The following TTC17 variants were observed in gnomAD, a reference collection of about 807,000 sequenced individuals.
TTC17 encodes tetratricopeptide repeat protein 17.
A neutral mutation model predicts 143.8 loss-of-function variants in TTC17; 58 were observed. That is an observed-to-expected ratio of 0.40 (90% CI 0.33 to 0.50). The LOEUF (loss-of-function observed/expected upper bound fraction) is 0.50, where lower values mean the gene tolerates loss of function less well. Among genes scored for constraint, TTC17 ranks in the 20% least tolerant of loss-of-function variants. The pLI, the probability that TTC17 is intolerant of heterozygous loss-of-function variation, is 0.49. For missense variants in TTC17, 1,273 were observed against 1,392.5 expected (o/e 0.91, Z 1.37); for synonymous variants, 501 against 497.8 (o/e 1.01, Z -0.09).
In TTC17 at chr11:43,403,983, T is replaced by G. The variant is rs1327796260; in HGVS notation, c.1333-15T>G. 1.3e-6 allele frequency: 2 copies of G among 1,573,732 alleles called. No homozygotes were observed. Among genetic ancestry groups the G allele is most frequent in the Non-Finnish European group, 1.7e-6 (2 of 1,159,566 alleles). On this transcript the variant is annotated splice_polypyrimidine_tract_variant and intron_variant, in intron 10 of 23. Coordinates refer to ENST00000039989, the MANE Select transcript of TTC17 (RefSeq NM_018259.6). The stretch of plus-strand genomic sequence containing the variant: ...CCACTTTCAATTTGATTGAACTTTT[T>G]GTTTCATTTTCTAGTTTGGTGAGGA...
chr11:43,408,122 T>G (rs929493702), intron 15 of TTC17, among the ~76,000 whole-genome samples: 9 of 152,214 alleles, frequency 5.9e-5, no homozygotes, highest in Admixed American at 6.5e-5. Flanking sequence ...TTTCATATTT[T>G]AACATCTCTG....
At chr11:43,428,944 C>T (rs1947090467) in intron 16 of TTC17, among the ~76,000 whole-genome samples, 1 of 152,270 alleles carries the variant, frequency 6.6e-6, no homozygotes, top group Admixed American at 6.5e-5. Flanking sequence ...GGTCAGTCAG[C>T]ACATAACCAT....
chr11:43,368,446 T>G (rs1565128384), intron 1 of TTC17, among the ~76,000 whole-genome samples: 1 of 152,086 alleles, frequency 6.6e-6, no homozygotes, highest in African/African-American at 2.4e-5. Flanking sequence ...GGTCCAAAAT[T>G]TTGGTATCTT....
intron 17 of TTC17, 103 bp downstream of exon 17, chr11:43,443,687 G>C (rs918379940): frequency 3.5e-6 from 5 of 1,413,106 alleles, no homozygotes; most frequent in Non-Finnish European, 3.8e-6. Flanking sequence ...GCACTACTTG[G>C]CTATGCACTC....
chr11:43,397,624 G>A lies in TTC17; in HGVS notation c.918+133G>A, dbSNP rs1857656426. 6 of 1,065,728 alleles carry A rather than the reference G, an allele frequency of 5.6e-6. No homozygotes were observed. The South Asian group carries it at 9.9e-5, about 18-fold the overall frequency. The allele number at this position is 1,065,728 out of a possible 1,614,324, so 66.0% of individuals were successfully genotyped here. On this transcript the variant is annotated intron_variant, in intron 7 of 23. Transcript: ENST00000039989. ...CTGAACGATGGAAATGAAATTAGGA[G>A]GAAGAAAAATCCTCAACACAGTAAT... is the stretch of plus-strand genomic sequence containing the variant.
At chr11:43,406,565 C>T (rs1418243044) in intron 13 of TTC17, among the ~76,000 whole-genome samples, 4 of 149,410 alleles carry the variant, frequency 2.7e-5, no homozygotes, top group Non-Finnish European at 6.0e-5. Flanking sequence ...ATCACAACCA[C>T]CTTTTTTTTT....
intron 21 of TTC17, among the ~76,000 whole-genome samples, chr11:43,475,514 A>T (rs989760426): frequency 1.1e-4 from 17 of 152,078 alleles, no homozygotes; most frequent in African/African-American, 4.1e-4. Flanking sequence ...TAAATTTTTT[A>T]AATAGAGACA....
intron 16 of TTC17, among the ~76,000 whole-genome samples, chr11:43,442,197 T>C (rs1161162486): frequency 6.6e-6 from 1 of 152,172 alleles, no homozygotes; most frequent in Non-Finnish European, 1.5e-5. Context: ...ACAGGGGAAA[T>C]ACAGTATTAT....
At chr11:43,438,599 C>A (rs1667878012) in intron 16 of TTC17, among the ~76,000 whole-genome samples, 1 of 152,236 alleles carries the variant, frequency 6.6e-6, no homozygotes, top group Middle Eastern at 3.2e-3. Context: ...CTTAAGTACT[C>A]TGGCACCCAT....
chr11:43,401,892 C>T (rs764128557), intron 10 of TTC17, among the ~76,000 whole-genome samples: 17 of 151,930 alleles, frequency 1.1e-4, no homozygotes, highest in Non-Finnish European at 2.5e-4. Context: ...GCGGGAGAAT[C>T]ATCTGAGCTC....
chr11:43,379,936 T>G (rs933485047), intron 2 of TTC17, among the ~76,000 whole-genome samples: 13 of 150,154 alleles, frequency 8.7e-5, no homozygotes, highest in Admixed American at 5.3e-4. Context: ...AAAAACTAGG[T>G]TTTTTTTTTC....
At chr11:43,383,536 G>A (rs867665440) in intron 2 of TTC17, among the ~76,000 whole-genome samples, 1 of 125,346 alleles carries the variant, frequency 8.0e-6, no homozygotes, top group Non-Finnish European at 1.7e-5. Context: ...TTTTTTTTTT[G>A]TATTTTTAGT....
intron 23 of TTC17, 115 bp from the exon 24 acceptor site, chr11:43,493,658 C>A: frequency 6.7e-7 from 1 of 1,494,532 alleles, no homozygotes; most frequent in Middle Eastern, 2.4e-4. Context: ...ATCCGTTGAG[C>A]AAATGCTGCG....
intron 21 of TTC17, chr11:43,466,831 G>A: frequency 3.6e-6 from 1 of 277,086 alleles, no homozygotes. Context: ...TCCAGGAATG[G>A]CAAGACAAGC....
At chr11:43,408,981 A>G (rs1194446149) in intron 15 of TTC17, among the ~76,000 whole-genome samples, 2 of 152,058 alleles carry the variant, frequency 1.3e-5, no homozygotes, top group East Asian at 1.9e-4. Context: ...GAGCTCAAGC[A>G]ATCCTCCCAT....
intron 21 of TTC17, among the ~76,000 whole-genome samples, chr11:43,457,523 A>G (rs1019412464): frequency 6.6e-6 from 1 of 152,220 alleles, no homozygotes; most frequent in Non-Finnish European, 1.5e-5. Context: ...GAGATATTAT[A>G]CTCAGTGGAC....
intron 16 of TTC17, chr11:43,436,468 C>A: frequency 1.3e-6 from 1 of 785,934 alleles, no homozygotes; most frequent in Non-Finnish European, 1.7e-6. Context: ...TGAGGGTGAC[C>A]CCTAGGTGGT....
intron 21 of TTC17, among the ~76,000 whole-genome samples, chr11:43,485,828 G>T (rs374096458): frequency 8.0e-4 from 120 of 150,816 alleles, no homozygotes; most frequent in African/African-American, 2.8e-3. Context: ...TGTGAATGGG[G>T]TTGTATGTTG....
intron 21 of TTC17, among the ~76,000 whole-genome samples, chr11:43,462,437 A>G (rs1947886344): frequency 6.6e-6 from 1 of 152,218 alleles, no homozygotes; most frequent in African/African-American, 2.4e-5. Context: ...CTGTGTGACA[A>G]TAGAGGCAGA....
Sources: allele counts gnomAD v4.1 joint callset (sites outside exome capture counted in the v4.1 genomes callset), GRCh38; gene constraint gnomAD v4.1.1; transcripts MANE v1.5; gene names NCBI Gene and HGNC (gene_info 2026-07-23, HGNC 2026-07-21).